Variants in STK32B observed in about 807,000 individuals in gnomAD.
The protein encoded by STK32B is serine/threonine-protein kinase 32B.
In STK32B, 43 loss-of-function variants were observed where a neutral mutation model predicts 52.6. That is an observed-to-expected ratio of 0.82 (90% CI 0.64 to 1.05). The LOEUF (loss-of-function observed/expected upper bound fraction) is 1.05. Ranked by LOEUF, STK32B falls within the 50% of genes least tolerant of loss-of-function variation. The probability of loss-of-function intolerance (pLI) is 0.00; values close to 1 mark genes in which losing one functional copy is unlikely to be tolerated. For missense variants in STK32B, 621 were observed against 534.6 expected, an observed-to-expected ratio of 1.16 and a Z score of -1.59; for synonymous variants, 238 against 204.3, an observed-to-expected ratio of 1.17 and a Z score of -1.41.
At chr4:5,052,567 C>A (rs757354246) in intron 1 of STK32B, among the ~76,000 whole-genome samples, 1 of 152,154 alleles carries the variant, frequency 6.6e-6, no homozygotes, top group Non-Finnish European at 1.5e-5. Flanking sequence ...CCTATTTGGA[C>A]TAGCAGAACC....
chr4:5,499,957 G>A lies in STK32B; in HGVS notation c.*874G>A, dbSNP rs1423303843. ...TTCAGGGTTTTCTCTCCTGGGAAGG[G>A]TGTAAAATCAGCTTGTCAGATTCTT... On this transcript the variant is annotated 3_prime_UTR_variant, in exon 12 of 12. Coordinates refer to ENST00000282908, the MANE Select transcript of STK32B (RefSeq NM_018401.3). 1 of 152,238 alleles carries A rather than the reference G, an allele frequency of 6.6e-6. No individual in the cohort carries two copies. Among genetic ancestry groups the A allele is most frequent in the African/African-American group, 2.4e-5 (1 of 41,446 alleles). The allele number at this position is 152,238 out of a possible 1,614,324, so 9.4% of individuals were successfully genotyped here. A position where few individuals can be genotyped will look rare whatever the true frequency, so the allele number is the denominator to read the frequency against.
Position 5,257,043 on chromosome 4 carries a change from A to G in STK32B, c.261-74177A>G, listed in dbSNP as rs540474928. On this transcript the variant is annotated intron_variant, in intron 3 of 11. Coordinates refer to ENST00000282908, the MANE Select transcript of STK32B (RefSeq NM_018401.3). ...AGTGAATGAGTGGATGAATAAGTGA[A>G]TGAGTGAATGAATATGTGAGTAAAT... 1.1e-3 allele frequency among the ~76,000 whole-genome samples: 163 copies of G among 148,962 alleles called. 1 individual carries two copies. Among genetic ancestry groups the G allele is most frequent in the African/African-American group, 4.0e-3 (157 of 38,924 alleles).
chr4:5,048,293 C>A (rs62291614), upstream of STK32B, among the ~76,000 whole-genome samples: 2 of 141,812 alleles, frequency 1.4e-5, no homozygotes, highest in Non-Finnish European at 3.1e-5. Context: ...CCATGCCTGG[C>A]TAATTTTTTT....
At chr4:5,241,389 A>T (rs1024732310) in intron 3 of STK32B, among the ~76,000 whole-genome samples, 3 of 152,090 alleles carry the variant, frequency 2.0e-5, no homozygotes, top group Non-Finnish European at 4.4e-5. Context: ...TTTCTTTAAC[A>T]TCTGTCCCTA....
chr4:5,314,600 G>A (rs1349591345), intron 3 of STK32B, among the ~76,000 whole-genome samples: 1 of 152,192 alleles, frequency 6.6e-6, no homozygotes, highest in East Asian at 1.9e-4. Context: ...AACCCAGGAG[G>A]CGGAGGTTGC....
intron 3 of STK32B, among the ~76,000 whole-genome samples, chr4:5,316,168 T>TATATATATAAATAAATATATATAACTAA (rs1560309966): frequency 1.7e-4 from 17 of 100,916 alleles, no homozygotes; most frequent in African/African-American, 7.6e-4. Context: ...TATAACTAAA[T>TATATATATAAATAAATATATATAACTAA]ATATATATAA....
chr4:5,487,566 G>C (rs1022281820), intron 11 of STK32B, among the ~76,000 whole-genome samples: 13 of 152,154 alleles, frequency 8.5e-5, no homozygotes, highest in South Asian at 4.1e-4. Context: ...TTTTATGACT[G>C]GGTTGACTTA....
intron 4 of STK32B, among the ~76,000 whole-genome samples, chr4:5,379,538 A>T (rs991520684): frequency 6.6e-6 from 1 of 152,178 alleles, no homozygotes; most frequent in African/African-American, 2.4e-5. Flanking sequence ...TCATACATTG[A>T]AGCCCTAACC....
At chr4:5,081,451 G>C (rs1302048504) in intron 1 of STK32B, among the ~76,000 whole-genome samples, 1 of 152,112 alleles carries the variant, frequency 6.6e-6, no homozygotes, top group Non-Finnish European at 1.5e-5. Context: ...CTTTAAATGA[G>C]ATTTCTGGCC....
chr4:5,134,837 A>T (rs936148154), intron 1 of STK32B, among the ~76,000 whole-genome samples: 9 of 152,230 alleles, frequency 5.9e-5, no homozygotes, highest in Non-Finnish European at 1.3e-4. Context: ...TTTGTACAGG[A>T]TGTGGACTGT....
chr4:5,441,725 T>C (rs1320887244), intron 6 of STK32B, among the ~76,000 whole-genome samples: 3 of 151,210 alleles, frequency 2.0e-5, no homozygotes, highest in African/African-American at 7.3e-5. Context: ...TTTCCTGCTT[T>C]CTCTTGTGGG....
intron 7 of STK32B, 65 bp downstream of exon 7, chr4:5,446,841 A>C (rs928527417): frequency 1.9e-6 from 3 of 1,545,680 alleles, no homozygotes; most frequent in Middle Eastern, 3.4e-4. Flanking sequence ...TTGTACCTGG[A>C]CGGGCAGAGT....
chr4:5,167,249 T>G lies in STK32B; in HGVS notation c.109-1050T>G, dbSNP rs140749247. Among the ~76,000 whole-genome samples the G allele has an allele frequency of 7.4e-3, 1,124 of 152,232 alleles. 18 individuals are homozygous for G. Among genetic ancestry groups the G allele is most frequent in the Non-Finnish European group, 9.7e-3 (661 of 68,016 alleles). On this transcript the variant is annotated intron_variant, in intron 2 of 11. Transcript: ENST00000282908. Reference sequence around the variant, plus strand: ...GCTCAGAAGTCCAGGCCTCATGGATTTGAACCCCCACCCTGCCACTTGGTG... The same window carrying G: ...GCTCAGAAGTCCAGGCCTCATGGATGTGAACCCCCACCCTGCCACTTGGTG...
intron 1 of STK32B, among the ~76,000 whole-genome samples, chr4:5,100,393 C>T (rs1466457551): frequency 7.3e-6 from 1 of 136,154 alleles, no homozygotes; most frequent in Admixed American, 7.8e-5. Context: ...TTCCTTCCTT[C>T]CTTCTTTCCT....
intron 11 of STK32B, 100 bp downstream of exon 11, chr4:5,468,170 C>A: frequency 8.1e-7 from 1 of 1,230,140 alleles, no homozygotes; most frequent in Non-Finnish European, 1.2e-6. Flanking sequence ...CCGGCCTTGA[C>A]GACAAAAGGG....
intron 4 of STK32B, among the ~76,000 whole-genome samples, chr4:5,383,999 G>A (rs180805881): frequency 1.2e-3 from 183 of 152,310 alleles, no homozygotes; most frequent in African/African-American, 3.8e-3. Flanking sequence ...GGAGCTGGGC[G>A]ATCATCACAG....
At chr4:5,421,295 T>G (rs934568815) in intron 6 of STK32B, among the ~76,000 whole-genome samples, 10 of 151,748 alleles carry the variant, frequency 6.6e-5, no homozygotes, top group African/African-American at 2.2e-4. Flanking sequence ...TTTCACTGTG[T>G]TAGCCAGGAT....
At chr4:5,090,303 A>G (rs1036100268) in intron 1 of STK32B, among the ~76,000 whole-genome samples, 2 of 149,262 alleles carry the variant, frequency 1.3e-5, no homozygotes, top group African/African-American at 4.9e-5. Flanking sequence ...TGTCCTGAAT[A>G]GTATTCCCTA....
chr4:5,223,888 G>C (rs1723698036), intron 3 of STK32B, among the ~76,000 whole-genome samples: 1 of 148,714 alleles, frequency 6.7e-6, no homozygotes, highest in Non-Finnish European at 1.5e-5. Context: ...TTTGGGTTTT[G>C]GACTTACTGA....
Sources: allele counts gnomAD v4.1 joint callset (sites outside exome capture counted in the v4.1 genomes callset), GRCh38; gene constraint gnomAD v4.1.1; transcripts MANE v1.5; gene names NCBI Gene and HGNC (gene_info 2026-07-23, HGNC 2026-07-21).